SNX29: variants seen among roughly 807,000 people sequenced by gnomAD.
SNX29 encodes the protein sorting nexin 29.
In SNX29, 78 loss-of-function variants were observed where a neutral mutation model predicts 102.1. The ratio of observed to expected loss-of-function variants is 0.76; its 90% CI spans 0.64 to 0.92. The LOEUF is 0.92. Among genes scored for constraint, SNX29 ranks in the 40% least tolerant of loss-of-function variants. The pLI is 0.00. For missense variants in SNX29, 1,280 were observed against 1,061.7 expected, an observed-to-expected ratio of 1.21 and a Z score of -2.86; for synonymous variants, 580 against 414.5, an observed-to-expected ratio of 1.40 and a Z score of -4.85.
At chr16:12,518,466 C>T (rs2089962500) in intron 19 of SNX29, among the ~76,000 whole-genome samples, 1 of 152,194 alleles carries the variant, frequency 6.6e-6, no homozygotes. Flanking sequence ...CAGGGCACCA[C>T]CTTGACCACC....
intron 6 of SNX29, 132 bp from the exon 7 acceptor site, chr16:12,048,240 G>C: frequency 7.7e-7 from 1 of 1,302,162 alleles, no homozygotes. Context: ...GTCCGCATGG[G>C]AGGTATTTTT....
intron 15 of SNX29, among the ~76,000 whole-genome samples, chr16:12,328,603 A>G (rs1453483614): frequency 6.6e-6 from 1 of 151,910 alleles, no homozygotes; most frequent in African/African-American, 2.4e-5. Flanking sequence ...TGGTTCTCTG[A>G]CTTCTCGGTC....
chr16:12,528,825 A>G (rs1239155466), intron 20 of SNX29, among the ~76,000 whole-genome samples: 4 of 152,196 alleles, frequency 2.6e-5, no homozygotes, highest in African/African-American at 9.6e-5. Flanking sequence ...AGGGCCACTG[A>G]TCAGCTTCAG....
At chr16:12,562,297 G>A (rs1237243805) in intron 20 of SNX29, among the ~76,000 whole-genome samples, 4 of 152,164 alleles carry the variant, frequency 2.6e-5, no homozygotes, top group South Asian at 2.1e-4. Context: ...AGCATCAAAC[G>A]TTATCGTTGG....
chr16:12,552,954 A>C (rs1389591937), intron 20 of SNX29, among the ~76,000 whole-genome samples: 6 of 152,266 alleles, frequency 3.9e-5, no homozygotes, highest in Admixed American at 3.9e-4. Context: ...GTCATCAGGA[A>C]CATGGATTGT....
intron 14 of SNX29, among the ~76,000 whole-genome samples, chr16:12,235,262 C>T (rs879571654): frequency 6.6e-6 from 1 of 152,116 alleles, no homozygotes; most frequent in Admixed American, 6.5e-5. Context: ...TATTGAGTTC[C>T]CCTTCACCAA....
At chr16:12,069,654 C>T (rs1022288781) in intron 10 of SNX29, among the ~76,000 whole-genome samples, 5 of 152,150 alleles carry the variant, frequency 3.3e-5, no homozygotes, top group Admixed American at 2.0e-4. Context: ...CGAATGTCAA[C>T]ACCTTTTGGG....
At chr16:12,544,587 C>A (rs1347863024) in intron 20 of SNX29, among the ~76,000 whole-genome samples, 1 of 152,204 alleles carries the variant, frequency 6.6e-6, no homozygotes, top group Non-Finnish European at 1.5e-5. Context: ...GCAGGCATTT[C>A]TTAATGAGTT....
At chr16:12,482,225 A>C (rs2087977407) in intron 19 of SNX29, among the ~76,000 whole-genome samples, 1 of 152,184 alleles carries the variant, frequency 6.6e-6, no homozygotes, top group African/African-American at 2.4e-5. Context: ...ACACGTCTAG[A>C]CAAGACGTGT....
chr16:12,065,910 G>A (rs2151288287), intron 9 of SNX29, among the ~76,000 whole-genome samples: 1 of 152,160 alleles, frequency 6.6e-6, no homozygotes. Context: ...TAAATTTTCG[G>A]GATCCATTTC....
intron 18 of SNX29, among the ~76,000 whole-genome samples, chr16:12,466,216 C>T (rs549442536): frequency 7.2e-5 from 11 of 152,294 alleles, no homozygotes; most frequent in African/African-American, 2.6e-4. Flanking sequence ...TCTCTATTTG[C>T]AGATGATATC....
At chr16:12,197,618 G>A (rs571505456) in intron 13 of SNX29, among the ~76,000 whole-genome samples, 2 of 152,174 alleles carry the variant, frequency 1.3e-5, no homozygotes, top group Non-Finnish European at 2.9e-5. Context: ...CCCCATCAGG[G>A]AAGATTTTGT....
At chr16:12,161,133 A>G (rs1401111420) in intron 13 of SNX29, among the ~76,000 whole-genome samples, 1 of 152,142 alleles carries the variant, frequency 6.6e-6, no homozygotes, top group Non-Finnish European at 1.5e-5. Context: ...CCAGTGTCTG[A>G]TACCTCGTCA....
chr16:12,323,000 CA>C (rs2080995691), intron 15 of SNX29, among the ~76,000 whole-genome samples: 1 of 64,476 alleles, frequency 1.6e-5, no homozygotes, highest in Non-Finnish European at 3.0e-5. Context: ...CACCGGGGAC[CA>C]CTGTCAGGAT....
intron 15 of SNX29, among the ~76,000 whole-genome samples, chr16:12,351,649 C>T (rs1448241901): frequency 6.6e-6 from 1 of 152,126 alleles, no homozygotes; most frequent in African/African-American, 2.4e-5. Context: ...TTTTTACAGA[C>T]TTAAAAGTTT....
intron 8 of SNX29, 147 bp from the exon 9 acceptor site, chr16:12,061,381 G>A (rs75153889): frequency 6.3e-6 from 4 of 637,156 alleles, no homozygotes; most frequent in East Asian, 2.7e-5. Context: ...TGGACTCCAC[G>A]CTCTACCTCC....
intron 14 of SNX29, among the ~76,000 whole-genome samples, chr16:12,267,758 C>T (rs1006908512): frequency 6.6e-6 from 1 of 152,140 alleles, no homozygotes; most frequent in Admixed American, 6.5e-5. Flanking sequence ...CTGTTTACTC[C>T]CTGGCTTCTA....
chr16:12,565,541 G>C (rs1219796639), intron 20 of SNX29, among the ~76,000 whole-genome samples: 5 of 152,060 alleles, frequency 3.3e-5, no homozygotes, highest in Non-Finnish European at 7.4e-5. Context: ...CTCGAGGATT[G>C]AACCATCCCT....
chr16:12,407,762 A>C (rs1422044946), intron 18 of SNX29, among the ~76,000 whole-genome samples: 3 of 152,310 alleles, frequency 2.0e-5, no homozygotes, highest in East Asian at 3.9e-4. Context: ...GTCTCTGACA[A>C]GGTCCTGGTC....
Sources: allele counts gnomAD v4.1 joint callset (sites outside exome capture counted in the v4.1 genomes callset), GRCh38; gene constraint gnomAD v4.1.1; transcripts MANE v1.5; gene names NCBI Gene and HGNC (gene_info 2026-07-23, HGNC 2026-07-21).